Variants in ANXA10 observed in about 807,000 individuals in gnomAD.
The protein encoded by ANXA10 is annexin 14.
In ANXA10, 49 loss-of-function variants were observed where a neutral mutation model predicts 53.5. That is an observed-to-expected ratio of 0.92 (90% CI 0.73 to 1.16). ANXA10 has a LOEUF of 1.16. Among genes scored for constraint, ANXA10 ranks in the 50% most tolerant of loss-of-function variants. The pLI is 0.00. For missense variants in ANXA10, 393 were observed against 394.4 expected (o/e 1.00, Z 0.03); for synonymous variants, 131 against 128.9 (o/e 1.02, Z -0.11).
chr4:168,139,617 T>C, intron 3 of ANXA10, 37 bp downstream of exon 3: 18 of 1,528,422 alleles, frequency 1.2e-5, no homozygotes, highest in Non-Finnish European at 1.5e-5. Context: ...TCTAGGGCAA[T>C]CTCTTGAGAA....
At position 168,178,622 on chromosome 4, in the gene ANXA10, C is replaced by A. The variant is rs935526802; in HGVS notation, c.629-595C>A. Among the ~76,000 whole-genome samples the A allele has an allele frequency of 2.6e-5, 4 of 152,198 alleles. No individual in the cohort carries two copies. The East Asian group carries it at 7.7e-4, about 29-fold the overall frequency. On this transcript the variant is annotated intron_variant, in intron 8 of 11. Transcript: ENST00000359299. ...CATAATAATAATAATGAAAAGACATCTTCTTGCTTCTAATTTTCAGTAAGA... is the reference window on the plus strand; with the variant it reads ...CATAATAATAATAATGAAAAGACATATTCTTGCTTCTAATTTTCAGTAAGA...
At chr4:168,138,660 T>C (rs1207039021) in intron 2 of ANXA10, among the ~76,000 whole-genome samples, 2 of 152,196 alleles carry the variant, frequency 1.3e-5, no homozygotes, top group African/African-American at 2.4e-5. Context: ...AGTGATTGCA[T>C]TGAACCTGTA....
chr4:168,181,722 G>C lies in ANXA10; in HGVS notation c.764G>C (p.Arg255Thr), dbSNP rs758521879. The C allele has an allele frequency of 6.3e-7, 1 of 1,599,940 alleles. No homozygotes were observed. The highest frequency in any genetic ancestry group is 8.5e-7 in the Non-Finnish European group (1 of 1,169,816). The change falls in exon 10 of 12, where the codon AGA becomes ACA. Residue 255 changes from arginine (R) to threonine (T), a missense_variant. Transcript: ENST00000359299. ...GACAAACCAGCCTATTTTGCTTATAGATTATATAGTGCAATTCATGTAAGT... is the reference window on the plus strand; with the variant it reads ...GACAAACCAGCCTATTTTGCTTATACATTATATAGTGCAATTCATGTAAGT... ...VRDKPAYFAY[R>T]LYSAIHDFGF...
intron 3 of ANXA10, among the ~76,000 whole-genome samples, chr4:168,141,229 T>C (rs2149472417): frequency 6.6e-6 from 1 of 152,338 alleles, no homozygotes; most frequent in East Asian, 1.9e-4. Context: ...TAAATTGCAC[T>C]GCCTGGAAAA....
chr4:168,100,019 T>C (rs1279593567), intron 1 of ANXA10, among the ~76,000 whole-genome samples: 1 of 152,110 alleles, frequency 6.6e-6, no homozygotes, highest in Non-Finnish European at 1.5e-5. Context: ...TCCTTTTTGT[T>C]CTTTCTCAAT....
chr4:168,184,126 G>T (rs952282028), intron 10 of ANXA10, among the ~76,000 whole-genome samples: 1 of 152,160 alleles, frequency 6.6e-6, no homozygotes, highest in Non-Finnish European at 1.5e-5. Flanking sequence ...ATGTCCATCT[G>T]ACAGAGCTGA....
chr4:168,153,188 G>A (rs1015334461), intron 3 of ANXA10, among the ~76,000 whole-genome samples: 2 of 152,040 alleles, frequency 1.3e-5, no homozygotes, highest in South Asian at 2.1e-4. Flanking sequence ...GGTAAAGATC[G>A]TAGCAGTAAA....
At chr4:168,158,870 T>A (rs1391891824) in intron 3 of ANXA10, among the ~76,000 whole-genome samples, 3 of 152,116 alleles carry the variant, frequency 2.0e-5, no homozygotes, top group African/African-American at 7.2e-5. Flanking sequence ...TGAAGATAGG[T>A]GTTTGGGTCG....
At chr4:168,143,558 C>G in intron 3 of ANXA10, among the ~76,000 whole-genome samples, 1 of 152,312 alleles carries the variant, frequency 6.6e-6, no homozygotes, top group South Asian at 2.1e-4. Flanking sequence ...CACTTCTGAT[C>G]TTCCCCACCA....
intron 4 of ANXA10, 75 bp from the exon 5 acceptor site, chr4:168,164,123 C>T (rs529198698): frequency 3.5e-6 from 4 of 1,143,316 alleles, no homozygotes; most frequent in Admixed American, 4.0e-5. Flanking sequence ...TGCTGTATCC[C>T]TTTCTTGTAC....
In ANXA10 at chr4:168,172,719, GA is replaced by G. The variant is rs1286718033; in HGVS notation, c.481-5018del. Among the ~76,000 whole-genome samples, 3 of 151,676 alleles carry G rather than the reference GA, an allele frequency of 2.0e-5. No homozygotes were observed. In the East Asian group the frequency reaches 5.8e-4, roughly 29 times the overall value. On this transcript the variant is annotated intron_variant, in intron 6 of 11. Coordinates refer to ENST00000359299, the MANE Select transcript of ANXA10 (RefSeq NM_007193.5). ...TTATATAAAATATTAGAAGGTTGAT[GA>G]AAGATATGGCAGAACAGAGTAACAG...
intron 1 of ANXA10, among the ~76,000 whole-genome samples, chr4:168,110,012 CATCCT>C (rs1195914025): frequency 6.6e-6 from 1 of 152,126 alleles, no homozygotes; most frequent in Non-Finnish European, 1.5e-5. Context: ...AGATCGAGAC[CATCCT>C]GGCGAAGACG....
chr4:168,109,456 A>G (rs754960890), intron 1 of ANXA10, among the ~76,000 whole-genome samples: 1 of 152,212 alleles, frequency 6.6e-6, no homozygotes, highest in Non-Finnish European at 1.5e-5. Flanking sequence ...TCCAAATGCA[A>G]TTTATATCAG....
intron 6 of ANXA10, among the ~76,000 whole-genome samples, chr4:168,167,528 CCT>C (rs1455834348): frequency 6.6e-6 from 1 of 152,118 alleles, no homozygotes; most frequent in African/African-American, 2.4e-5. Flanking sequence ...AGTTGAGAAG[CCT>C]CTCTATATCC....
chr4:168,108,667 T>A (rs1350831706), intron 1 of ANXA10, among the ~76,000 whole-genome samples: 1 of 149,524 alleles, frequency 6.7e-6, no homozygotes, highest in Non-Finnish European at 1.5e-5. Context: ...TATGTCCCAA[T>A]AAACTCTGGG....
At chr4:168,177,184 C>T (rs563487730) in intron 6 of ANXA10, among the ~76,000 whole-genome samples, 2 of 152,148 alleles carry the variant, frequency 1.3e-5, no homozygotes, top group Non-Finnish European at 2.9e-5. Flanking sequence ...TCAATGGACC[C>T]TGCATTGGTT....
At chr4:168,093,152 T>C in intron 1 of ANXA10, among the ~76,000 whole-genome samples, 1 of 152,190 alleles carries the variant, frequency 6.6e-6, no homozygotes, top group East Asian at 1.9e-4. Context: ...TGTAATTTGA[T>C]TCAGAATTCT....
At chr4:168,127,702 C>T (rs778669088) in intron 1 of ANXA10, 3 of 438,798 alleles carry the variant, frequency 6.8e-6, no homozygotes, top group South Asian at 5.3e-5. Context: ...TTTCTCTCTG[C>T]AATTGACACA....
intron 1 of ANXA10, among the ~76,000 whole-genome samples, chr4:168,099,737 A>G (rs893353597): frequency 5.3e-5 from 8 of 152,074 alleles, no homozygotes; most frequent in Non-Finnish European, 1.0e-4. Context: ...TTCTAATTTC[A>G]TGACTTAGTG....
Sources: gnomAD v4.1 joint callset for allele counts (sites outside exome capture counted in the v4.1 genomes callset) on GRCh38, gnomAD v4.1.1 for gene constraint, MANE v1.5 for transcripts, NCBI Gene and HGNC (gene_info 2026-07-23, HGNC 2026-07-21) for gene names.